The following PELI2 variants were observed in gnomAD, a reference collection of about 807,000 sequenced individuals.
PELI2 encodes pellino E3 ubiquitin protein ligase family member 2.
Under a neutral mutation model 42.3 loss-of-function variants are expected in PELI2, and 23 were observed. That is an observed-to-expected ratio of 0.54 (90% CI 0.39 to 0.77). The LOEUF (loss-of-function observed/expected upper bound fraction) is 0.77. Among genes scored for constraint, PELI2 ranks in the 30% least tolerant of loss-of-function variants. The probability of loss-of-function intolerance (pLI) is 0.00; values close to 1 mark genes in which losing one functional copy is unlikely to be tolerated. For synonymous variants in PELI2, 245 were observed against 212.2 expected (o/e 1.15, Z -1.34); for missense variants, 463 against 553.2 (o/e 0.84, Z 1.64).
At chr14:56,212,003 A>G (rs1230771265) in intron 2 of PELI2, among the ~76,000 whole-genome samples, 1 of 152,188 alleles carries the variant, frequency 6.6e-6, no homozygotes, top group African/African-American at 2.4e-5. Flanking sequence ...TAGTCAGCAC[A>G]TTGTATCAAG....
intron 2 of PELI2, among the ~76,000 whole-genome samples, chr14:56,249,966 T>C (rs1888287256): frequency 6.6e-6 from 1 of 152,158 alleles, no homozygotes; most frequent in Admixed American, 6.5e-5. Flanking sequence ...AGAGAAGTGT[T>C]TCACACAGGG....
intron 2 of PELI2, among the ~76,000 whole-genome samples, chr14:56,198,792 A>G (rs527533108): frequency 1.3e-5 from 2 of 152,304 alleles, no homozygotes; most frequent in African/African-American, 4.8e-5. Context: ...TATTGATGAC[A>G]AGTAGAGAGA....
At chr14:56,242,078 G>A (rs76631476) in intron 2 of PELI2, among the ~76,000 whole-genome samples, 1,608 of 152,290 alleles carry the variant, frequency 0.011, 84 homozygotes, top group Admixed American at 0.092. Context: ...CCTGTGGAAG[G>A]AATGGCTGTG....
chr14:56,135,329 G>C (rs1336874850), intron 1 of PELI2, among the ~76,000 whole-genome samples: 1 of 152,204 alleles, frequency 6.6e-6, no homozygotes, highest in Admixed American at 6.5e-5. Context: ...ATTTAGTTTT[G>C]ATTGGATTAT....
intron 1 of PELI2, among the ~76,000 whole-genome samples, chr14:56,143,121 A>G (rs1328634768): frequency 1.3e-5 from 2 of 151,998 alleles, no homozygotes; most frequent in Non-Finnish European, 1.5e-5. Flanking sequence ...ACTCCCTTCT[A>G]ATCTGTGACA....
chr14:56,221,338 C>CAGGTGT (rs1887125852), intron 2 of PELI2, among the ~76,000 whole-genome samples: 1 of 152,134 alleles, frequency 6.6e-6, no homozygotes, highest in Non-Finnish European at 1.5e-5. Context: ...ATCAGCTTGC[C>CAGGTGT]CTGGACCTGC....
intron 2 of PELI2, among the ~76,000 whole-genome samples, chr14:56,254,396 C>A (rs368088988): frequency 7.4e-4 from 101 of 137,156 alleles, no homozygotes; most frequent in South Asian, 9.5e-4. Context: ...GACTCCATCT[C>A]AAAAAAAAAA....
chr14:56,288,565 C>T lies in PELI2; in HGVS notation c.438C>T (p.Asp146=), dbSNP rs1226735451. ...GGTTCGCCTGCAGGATCGTGTGCGA[C>T]AGGAATGAACCTTACACAGCACGGA... ...ISRFACRIVC[D]RNEPYTARIF... Residue 146 remains aspartate (D), a synonymous_variant, in exon 4 of 6, where the codon GAC becomes GAT. Transcript: ENST00000267460. The surrounding 1 kb of genome is among the most constrained non-coding windows in gnomAD (Gnocchi z 4.6). The T allele has an allele frequency of 1.4e-5, 22 of 1,613,938 alleles. No homozygotes were observed. The highest frequency in any genetic ancestry group is 2.7e-5 in the African/African-American group (2 of 74,920).
rs565550929 is a variant in PELI2 at position 56,268,259 on chromosome 14, T to C, written c.208-11417T>C. On this transcript the variant is annotated intron_variant, in intron 2 of 5. Coordinates refer to ENST00000267460, the MANE Select transcript of PELI2 (RefSeq NM_021255.3). The stretch of plus-strand genomic sequence containing the variant: ...CATTCGCAGGATGCTTTATTTTTAC[T>C]TATGATTCATTTTTGTTAGGTTTAC... 3.3e-5 allele frequency among the ~76,000 whole-genome samples: 5 copies of C among 152,344 alleles called. No individual in the cohort carries two copies. The South Asian group carries it at 1.0e-3, about 32-fold the overall frequency.
chr14:56,280,102 C>T (rs1444185800), intron 3 of PELI2, among the ~76,000 whole-genome samples: 4 of 152,104 alleles, frequency 2.6e-5, no homozygotes, highest in African/African-American at 7.2e-5. Context: ...ATGAAAGGGA[C>T]ATCCAAACTA....
In PELI2 at chr14:56,178,331, C is replaced by G. The variant is rs776501189; in HGVS notation, c.78-4C>G. 26 of 1,613,614 alleles carry G rather than the reference C, an allele frequency of 1.6e-5. No homozygotes were observed. Among genetic ancestry groups the G allele is most frequent in the South Asian group, 2.2e-5 (2 of 91,034 alleles). ...TAGATGAACTCTTTCCTCTCTGTTT[C>G]TAGGTACAATGGTGCTTTACCCAAT... On this transcript the variant is annotated splice_polypyrimidine_tract_variant and splice_region_variant and intron_variant, in intron 1 of 5. Transcript: ENST00000267460.
At chr14:56,119,142 G>C (rs1055701654) in intron 1 of PELI2, 1 of 152,048 alleles carries the variant, frequency 6.6e-6, no homozygotes, top group Admixed American at 6.6e-5. Flanking sequence ...CGCTTCGCGG[G>C]GTCGCTTCCC....
At chr14:56,216,190 A>C (rs545075533) in intron 2 of PELI2, among the ~76,000 whole-genome samples, 4 of 127,370 alleles carry the variant, frequency 3.1e-5, no homozygotes, top group African/African-American at 1.0e-4. Flanking sequence ...TATTTGGTTC[A>C]GATTTTACAT....
intron 2 of PELI2, among the ~76,000 whole-genome samples, chr14:56,207,803 GTTCACCAGCAGAGA>G (rs1176391101): frequency 2.0e-5 from 3 of 152,146 alleles, no homozygotes; most frequent in African/African-American, 7.2e-5. Context: ...CATCCACAGG[GTTCACCAGCAGAGA>G]GCAGGAACTC....
intron 2 of PELI2, among the ~76,000 whole-genome samples, chr14:56,214,922 G>A (rs940298806): frequency 3.9e-5 from 6 of 152,148 alleles, no homozygotes; most frequent in African/African-American, 1.4e-4. Context: ...GGAGCATTGC[G>A]GACCAGCAGG....
At chr14:56,227,333 G>A (rs1257856992) in intron 2 of PELI2, among the ~76,000 whole-genome samples, 2 of 152,226 alleles carry the variant, frequency 1.3e-5, no homozygotes, top group Non-Finnish European at 2.9e-5. Flanking sequence ...AGAGTGAGGA[G>A]AGTGCCCCAC....
intron 1 of PELI2, among the ~76,000 whole-genome samples, chr14:56,159,795 A>G (rs959466532): frequency 1.3e-5 from 2 of 152,192 alleles, no homozygotes; most frequent in African/African-American, 2.4e-5. Context: ...AGCCTTCCTG[A>G]TTCCCAGTAC....
Position 56,297,115 on chromosome 14 carries a change from G to C in PELI2, c.1212G>C (p.Leu404=). 1 of 1,605,838 alleles carries C rather than the reference G, an allele frequency of 6.2e-7. No individual in the cohort carries two copies. The highest frequency in any genetic ancestry group is 1.3e-5 in the African/African-American group (1 of 75,036). The change falls in exon 6 of 6, where the codon CTG becomes CTC. Residue 404 remains leucine, a synonymous_variant. Transcript: ENST00000267460. ...CTTGCCCTTTCTGTGCTACACAGCT[G>C]GTTGGGGAGCAAAACTGCATCAAAT... The part of the protein sequence containing the change: ...HAACPFCATQ[L]VGEQNCIKLI...
At chr14:56,250,346 G>A (rs1317581995) in intron 2 of PELI2, among the ~76,000 whole-genome samples, 4 of 152,150 alleles carry the variant, frequency 2.6e-5, no homozygotes, top group African/African-American at 9.7e-5. Context: ...TCTCTAATGG[G>A]ACAGAACTAA....
Sources: gnomAD v4.1 joint callset for allele counts (sites outside exome capture counted in the v4.1 genomes callset) on GRCh38, gnomAD v4.1.1 for gene constraint, Gnocchi (gnomAD v3.1) non-coding constraint, MANE v1.5 for transcripts, NCBI Gene and HGNC (gene_info 2026-07-23, HGNC 2026-07-21) for gene names.